PDE1C: variants seen among roughly 807,000 people sequenced by gnomAD.
The protein encoded by PDE1C is phosphodiesterase 1C.
In PDE1C, 62 loss-of-function variants were observed where a neutral mutation model predicts 93.1. The ratio of observed to expected loss-of-function variants is 0.67; its 90% CI spans 0.54 to 0.82. The LOEUF is 0.82. Ranked by LOEUF, PDE1C falls within the 40% of genes least tolerant of loss-of-function variation. The pLI is 0.00. For missense variants in PDE1C, 742 were observed against 884.6 expected (o/e 0.84, Z 2.04); for synonymous variants, 325 against 310.1 (o/e 1.05, Z -0.50).
chr7:32,348,032 T>G (rs1783888028), intron 1 of PDE1C, among the ~76,000 whole-genome samples: 1 of 152,164 alleles, frequency 6.6e-6, no homozygotes, highest in Non-Finnish European at 1.5e-5. Flanking sequence ...AGATAGATTA[T>G]TACATCTGAT....
intron 3 of PDE1C, among the ~76,000 whole-genome samples, chr7:32,085,203 C>G (rs1796992973): frequency 6.6e-6 from 1 of 151,352 alleles, no homozygotes. Flanking sequence ...TACAAACTAC[C>G]ATCAGAGAAT....
chr7:31,841,742 C>A (rs1175889668), intron 9 of PDE1C, among the ~76,000 whole-genome samples: 1 of 134,886 alleles, frequency 7.4e-6, no homozygotes, highest in African/African-American at 2.7e-5. Flanking sequence ...TCCAGAGAAA[C>A]CAATAGGATA....
intron 1 of PDE1C, among the ~76,000 whole-genome samples, chr7:32,296,310 TC>T (rs1812606066): frequency 6.6e-6 from 1 of 152,234 alleles, no homozygotes; most frequent in Non-Finnish European, 1.5e-5. Flanking sequence ...GAATACAAAT[TC>T]CTTGAACACA....
chr7:32,308,383 A>G (rs2128903870), intron 1 of PDE1C, among the ~76,000 whole-genome samples: 1 of 152,362 alleles, frequency 6.6e-6, no homozygotes, highest in African/African-American at 2.4e-5. Flanking sequence ...TGAAGAGAGT[A>G]GTGGTTCTCC....
At chr7:31,696,409 T>C in the PDE1C span, among the ~76,000 whole-genome samples, 3 of 152,202 alleles carry the variant, frequency 2.0e-5, no homozygotes, top group Non-Finnish European at 4.4e-5. Context: ...TAAAAAGGAC[T>C]GTTGGAGCTC....
At chr7:32,046,922 T>C (rs1263476231) in intron 2 of PDE1C, among the ~76,000 whole-genome samples, 1 of 152,170 alleles carries the variant, frequency 6.6e-6, no homozygotes, top group Admixed American at 6.5e-5. Flanking sequence ...AGTATTTCCA[T>C]AATCCAGACA....
chr7:31,839,137 GTA>G (rs1242661941), intron 9 of PDE1C, among the ~76,000 whole-genome samples: 1 of 147,328 alleles, frequency 6.8e-6, no homozygotes, highest in East Asian at 2.0e-4. Context: ...GTGTATATAT[GTA>G]TATATAGATT....
chr7:31,769,026 C>G (rs1362002952), intron 17 of PDE1C, among the ~76,000 whole-genome samples: 1 of 151,994 alleles, frequency 6.6e-6, no homozygotes, highest in Non-Finnish European at 1.5e-5. Context: ...GAACTCCTGA[C>G]CTCAGGTGAT....
At chr7:32,376,705 T>C (rs1389477552) in intron 1 of PDE1C, among the ~76,000 whole-genome samples, 3 of 152,210 alleles carry the variant, frequency 2.0e-5, no homozygotes, top group African/African-American at 7.2e-5. Context: ...TCTTTTTTTT[T>C]GAGACCAAGT....
chr7:32,177,528 A>C (rs1232032998), intron 2 of PDE1C, among the ~76,000 whole-genome samples: 2 of 152,094 alleles, frequency 1.3e-5, no homozygotes, highest in Middle Eastern at 3.2e-3. Flanking sequence ...AATACAAACC[A>C]ACCGACCCAG....
intron 14 of PDE1C, 145 bp downstream of exon 14, chr7:31,822,928 T>C (rs1041961899): frequency 4.5e-6 from 3 of 664,122 alleles, no homozygotes; most frequent in Non-Finnish European, 5.1e-6. Context: ...GTAGATATTA[T>C]GAAGATCAAA....
chr7:32,014,473 AT>A (rs1008040324), intron 2 of PDE1C, among the ~76,000 whole-genome samples: 1 of 107,718 alleles, frequency 9.3e-6, no homozygotes, highest in Non-Finnish European at 2.3e-5. Flanking sequence ...TTTTTTATTT[AT>A]TTTAAGTTCT....
chr7:32,223,507 C>T (rs1211308774), intron 1 of PDE1C, among the ~76,000 whole-genome samples: 2 of 152,226 alleles, frequency 1.3e-5, no homozygotes, highest in African/African-American at 4.8e-5. Context: ...GAGCTCATCG[C>T]TTGCACAGCT....
intron 2 of PDE1C, among the ~76,000 whole-genome samples, chr7:32,208,428 T>C (rs1210721377): frequency 6.6e-6 from 1 of 151,834 alleles, no homozygotes. Flanking sequence ...AAAAGTCAGA[T>C]GGCACGTCAG....
At chr7:32,170,489 T>G (rs886549284) in intron 2 of PDE1C, among the ~76,000 whole-genome samples, 1 of 152,164 alleles carries the variant, frequency 6.6e-6, no homozygotes, top group African/African-American at 2.4e-5. Flanking sequence ...AAGGTGGGCA[T>G]CAAGTGGAAG....
At chr7:32,048,817 A>G (rs896836289) in intron 2 of PDE1C, among the ~76,000 whole-genome samples, 8 of 152,222 alleles carry the variant, frequency 5.3e-5, no homozygotes, top group African/African-American at 1.9e-4. Flanking sequence ...GCTCAAACTG[A>G]TCCTCTATTA....
rs556261051 is a variant in PDE1C, at chr7:31,940,870, A to G, written c.129-60010T>C. 9.7e-4 allele frequency among the ~76,000 whole-genome samples: 147 copies of G among 152,126 alleles called. 1 individual carries two copies. Among genetic ancestry groups the G allele is most frequent in the Admixed American group, 1.3e-3 (20 of 15,260 alleles). Reference sequence around the variant, plus strand: ...TCCACACACACAGACCCTTCAAGTCATTGCCATCCTTGCCCCATCTCCAGG... The same window carrying G: ...TCCACACACACAGACCCTTCAAGTCGTTGCCATCCTTGCCCCATCTCCAGG... On this transcript the variant is annotated intron_variant, in intron 2 of 17. Coordinates refer to ENST00000396191, the MANE Select transcript of PDE1C (RefSeq NM_001191057.4).
rs1794238345 is a variant in PDE1C, at chr7:31,753,465, A to T, written c.2049T>A (p.His683Gln). Residue 683 changes from histidine to glutamine, a missense_variant, in exon 18 of 18, where the codon CAT (histidine) becomes CAA (glutamine). His to Gln is a conservative substitution (Grantham distance 24). Around this residue, in one of 4 missense-constraint regions of PDE1C, gnomAD observed 454 missense variants for 459.4 expected, o/e 0.99. Transcript: ENST00000396191. ...GATCCAGCATCTTGTACCTTGCAGGATGCTCATCAGTTTTCTTTGAGACTG... is the reference window on the plus strand; with the variant it reads ...GATCCAGCATCTTGTACCTTGCAGGTTGCTCATCAGTTTTCTTTGAGACTG... The part of the protein sequence containing the change: ...APSVSKKTDE[H>Q]PARYKMLDQR... 6.2e-7 allele frequency: 1 copy of T among 1,612,538 alleles called. No homozygotes were observed. The highest frequency in any genetic ancestry group is 1.1e-5 in the South Asian group (1 of 91,016).
At chr7:31,709,874 G>A in the PDE1C span, among the ~76,000 whole-genome samples, 1 of 152,222 alleles carries the variant, frequency 6.6e-6, no homozygotes, top group African/African-American at 2.4e-5. Context: ...AAGGGACCCA[G>A]GTGCAGTGGC....
Sources: allele counts gnomAD v4.1 joint callset (sites outside exome capture counted in the v4.1 genomes callset), GRCh38; gene constraint gnomAD v4.1.1; regional missense constraint gnomAD v4.1.1; transcripts MANE v1.5; gene names NCBI Gene and HGNC (gene_info 2026-07-23, HGNC 2026-07-21).